Variants in FAM13C observed in about 807,000 individuals in gnomAD.
FAM13C encodes the protein family with sequence similarity 13 member C.
In FAM13C, 37 loss-of-function variants were observed where a neutral mutation model predicts 73.2. That is an observed-to-expected ratio of 0.51 (90% CI 0.39 to 0.67). FAM13C has a LOEUF of 0.67. FAM13C is among the 30% of genes least tolerant of loss of function. FAM13C has a pLI of 0.00. For missense variants in FAM13C, 589 were observed against 715.6 expected, an observed-to-expected ratio of 0.82 and a Z score of 2.02; for synonymous variants, 246 against 260.9, an observed-to-expected ratio of 0.94 and a Z score of 0.55.
chr10:59,272,598 G>A (rs1427897840), intron 6 of FAM13C, among the ~76,000 whole-genome samples: 1 of 152,180 alleles, frequency 6.6e-6, no homozygotes, highest in Non-Finnish European at 1.5e-5. Flanking sequence ...CAAGGAAGGG[G>A]CAGCTTGCCA....
At chr10:59,336,157 A>T (rs1281597346) in intron 3 of FAM13C, among the ~76,000 whole-genome samples, 1 of 152,186 alleles carries the variant, frequency 6.6e-6, no homozygotes, top group African/African-American at 2.4e-5. Flanking sequence ...AGCACAGTAA[A>T]ATTGTGCTCA....
intron 1 of FAM13C, among the ~76,000 whole-genome samples, chr10:59,356,205 A>G (rs1298363541): frequency 1.3e-5 from 2 of 152,132 alleles, no homozygotes; most frequent in Non-Finnish European, 2.9e-5. Context: ...ACTAACAAGG[A>G]CCTAAGTGTT....
intron 6 of FAM13C, among the ~76,000 whole-genome samples, chr10:59,270,696 A>C (rs1564504890): frequency 6.6e-6 from 1 of 152,208 alleles, no homozygotes; most frequent in Non-Finnish European, 1.5e-5. Flanking sequence ...TTTCAAAACA[A>C]AACATTCTGT....
At chr10:59,256,139 GA>G (rs542097950) in intron 10 of FAM13C, among the ~76,000 whole-genome samples, 1 of 151,400 alleles carries the variant, frequency 6.6e-6, no homozygotes, top group Non-Finnish European at 1.5e-5. Context: ...ATCTTTCCAT[GA>G]AAAAAAACCC....
At position 59,251,623 on chromosome 10, in the gene FAM13C, C is replaced by T. The variant is rs144555922; in HGVS notation, c.1586G>A (p.Arg529Gln). 1.5e-4 allele frequency: 248 copies of T among 1,613,248 alleles called. No individual in the cohort carries two copies. In the Middle Eastern group the frequency reaches 1.7e-3, roughly 11 times the overall value. ...RETRADKKRLRKALREFEEQF... is the reference protein window; with the variant it reads ...RETRADKKRLQKALREFEEQF... ...TTCTTCAAATTCTCTTAAGGCTTTC[C>T]GCAGTCTCTTCTTGTCAGCCCTAGT... Residue 529 changes from arginine (R) to glutamine (Q), a missense_variant, in exon 13 of 14, where the codon CGG (arginine) becomes CAG (glutamine). Transcript: ENST00000618804.
rs377067169 is a variant in FAM13C at position 59,268,543 on chromosome 10, G to A, written c.942+10C>T. 2 of 1,613,380 alleles carry A rather than the reference G, an allele frequency of 1.2e-6. No homozygotes were observed. The highest frequency in any genetic ancestry group is 1.7e-6 in the Non-Finnish European group (2 of 1,179,626). ...CAATCCGCTCCTATGTCAAACCCCA[G>A]GGTTCTTACCCGGTATTTCTTTTCT... On this transcript the variant is annotated intron_variant, in intron 8 of 13. Coordinates refer to ENST00000618804, the MANE Select transcript of FAM13C (RefSeq NM_198215.4).
intron 4 of FAM13C, among the ~76,000 whole-genome samples, chr10:59,317,802 G>C (rs1016118025): frequency 6.6e-6 from 1 of 151,716 alleles, no homozygotes; most frequent in African/African-American, 2.4e-5. Flanking sequence ...GTGCAGGTTA[G>C]TTACATATGT....
chr10:59,362,590 T>G, upstream of FAM13C: 1 of 1,511,714 alleles, frequency 6.6e-7, no homozygotes, highest in Non-Finnish European at 8.8e-7. Flanking sequence ...GGCTGCTGTC[T>G]GCACATGCTC....
At chr10:59,296,120 G>A (rs79475722) in intron 5 of FAM13C, among the ~76,000 whole-genome samples, 94 of 152,256 alleles carry the variant, frequency 6.2e-4, no homozygotes, top group African/African-American at 2.1e-3. Flanking sequence ...GGCCTAGGAA[G>A]CCTCTTCCTA....
At chr10:59,287,260 C>G (rs1236909812) in intron 5 of FAM13C, among the ~76,000 whole-genome samples, 2 of 131,986 alleles carry the variant, frequency 1.5e-5, no homozygotes, top group Admixed American at 8.9e-5. Flanking sequence ...TTGCTTGTAC[C>G]CAGGAGGTGG....
At chr10:59,263,227 A>G (rs1395191094) in intron 9 of FAM13C, among the ~76,000 whole-genome samples, 2 of 152,196 alleles carry the variant, frequency 1.3e-5, no homozygotes, top group African/African-American at 4.8e-5. Context: ...TAAAAATAAA[A>G]AAGCCCCCTG....
In FAM13C at chr10:59,341,462, C is replaced by T. The variant is rs866528049; in HGVS notation, c.324+10808G>A. On this transcript the variant is annotated intron_variant, in intron 3 of 13. Transcript: ENST00000618804. ...CAGCACTTTGAGAGGCCGAGGCGGG[C>T]GGGTCACCTGAGGTCGGGAGCTCAA... 1.2e-4 allele frequency among the ~76,000 whole-genome samples: 18 copies of T among 152,152 alleles called. 1 individual carries two copies. The South Asian group carries it at 1.7e-3, about 14-fold the overall frequency.
chr10:59,343,358 A>T (rs1290880499), intron 3 of FAM13C, among the ~76,000 whole-genome samples: 1 of 152,188 alleles, frequency 6.6e-6, no homozygotes, highest in East Asian at 1.9e-4. Context: ...TTCTTCTCTT[A>T]GTCCTTCACA....
At chr10:59,275,772 A>G (rs1324719889) in intron 6 of FAM13C, among the ~76,000 whole-genome samples, 1 of 152,164 alleles carries the variant, frequency 6.6e-6, no homozygotes, top group Non-Finnish European at 1.5e-5. Flanking sequence ...CAGAATTCTC[A>G]TTTGTAATCA....
At chr10:59,355,838 G>A (rs1855645297) in intron 2 of FAM13C, 49 bp downstream of exon 2, 6 of 1,552,728 alleles carry the variant, frequency 3.9e-6, no homozygotes, top group South Asian at 2.2e-5. Context: ...ACCAGACCTA[G>A]ATGGCTTCTG....
intron 3 of FAM13C, among the ~76,000 whole-genome samples, chr10:59,332,169 G>A (rs1295039026): frequency 2.6e-5 from 4 of 152,208 alleles, no homozygotes; most frequent in African/African-American, 9.6e-5. Context: ...AACTCAAGCT[G>A]CAAAATAATG....
At chr10:59,275,496 G>A (rs1335307926) in intron 6 of FAM13C, among the ~76,000 whole-genome samples, 1 of 152,156 alleles carries the variant, frequency 6.6e-6, no homozygotes, top group Non-Finnish European at 1.5e-5. Flanking sequence ...AATACTAAAA[G>A]AACCCAAAGA....
chr10:59,299,280 A>G (rs1847280748), intron 5 of FAM13C, among the ~76,000 whole-genome samples: 1 of 152,196 alleles, frequency 6.6e-6, no homozygotes, highest in South Asian at 2.1e-4. Context: ...CTTAAAAAAA[A>G]TCTCTGAAAG....
At chr10:59,333,316 G>A (rs865991603) in intron 3 of FAM13C, among the ~76,000 whole-genome samples, 34 of 151,968 alleles carry the variant, frequency 2.2e-4, no homozygotes, top group African/African-American at 6.8e-4. Flanking sequence ...GTGAAACCCC[G>A]TCTCTACTAA....
Sources: allele counts gnomAD v4.1 joint callset (sites outside exome capture counted in the v4.1 genomes callset), GRCh38; gene constraint gnomAD v4.1.1; transcripts MANE v1.5; gene names NCBI Gene and HGNC (gene_info 2026-07-23, HGNC 2026-07-21).